The following LGR4 variants were observed in gnomAD, a reference collection of about 807,000 sequenced individuals.
The protein encoded by LGR4 is leucine rich repeat containing G protein-coupled receptor 4, also known as leucine-rich repeat-containing G protein-coupled receptor 4.
In LGR4, 44 loss-of-function variants were observed where a neutral mutation model predicts 84.8. The observed-to-expected ratio is 0.52, with a 90% CI of 0.41 to 0.67. The LOEUF (loss-of-function observed/expected upper bound fraction) is 0.67, where lower values mean the gene tolerates loss of function less well. Ranked by LOEUF, LGR4 falls within the 30% of genes least tolerant of loss-of-function variation. The probability of loss-of-function intolerance (pLI) is 0.00; values close to 1 mark genes in which losing one functional copy is unlikely to be tolerated. For missense variants in LGR4, 1,032 were observed against 1,131.4 expected (o/e 0.91, Z 1.26); for synonymous variants, 429 against 434.3 (o/e 0.99, Z 0.15).
intron 2 of LGR4, among the ~76,000 whole-genome samples, chr11:27,404,632 A>C (rs1262310948): frequency 6.6e-6 from 1 of 152,094 alleles, no homozygotes; most frequent in Non-Finnish European, 1.5e-5. Context: ...ATGAGTCCAA[A>C]ACCCAGGTTG....
intron 1 of LGR4, among the ~76,000 whole-genome samples, chr11:27,427,216 ACT>A (rs1368083606): frequency 6.6e-6 from 1 of 151,996 alleles, no homozygotes; most frequent in Non-Finnish European, 1.5e-5. Context: ...TACTTAAAAA[ACT>A]CACAGCTTTT....
chr11:27,403,273 C>A (rs948284398), intron 2 of LGR4, among the ~76,000 whole-genome samples: 1 of 152,122 alleles, frequency 6.6e-6, no homozygotes, highest in Admixed American at 6.6e-5. Context: ...GAGTTAGAGA[C>A]CAGCCAGGGC....
In LGR4 at chr11:27,368,580, A is replaced by G. The variant is rs1353585591; in HGVS notation, c.2143T>C (p.Ser715Pro). 1 of 1,613,154 alleles carries G rather than the reference A, an allele frequency of 6.2e-7. No individual in the cohort carries two copies. The highest frequency in any genetic ancestry group is 1.7e-5 in the Admixed American group (1 of 59,940). ...ACGGCCATTAATAAAAATGCTAGTGAGTTTAATAGCACTAACGTTACAGTG... is the reference window on the plus strand; with the variant it reads ...ACGGCCATTAATAAAAATGCTAGTGGGTTTAATAGCACTAACGTTACAGTG... Reference protein sequence around the residue: ...GFTVTLVLLNSLAFLLMAVIY... With the variant: ...GFTVTLVLLNPLAFLLMAVIY... The change falls in exon 18 of 18, where the codon TCA (serine) becomes CCA (proline). Residue 715 changes from serine (S) to proline (P), a missense_variant. Physicochemically the swap from Ser to Pro is moderately conservative, Grantham distance 74. Transcript: ENST00000379214.
chr11:27,447,883 G>T (rs1186420126), intron 1 of LGR4, among the ~76,000 whole-genome samples: 7 of 152,128 alleles, frequency 4.6e-5, no homozygotes, highest in Admixed American at 6.5e-5. Context: ...TACAACCAAA[G>T]TATCGCATTT....
At chr11:27,469,768 C>T (rs996394837) in intron 1 of LGR4, among the ~76,000 whole-genome samples, 2 of 152,178 alleles carry the variant, frequency 1.3e-5, no homozygotes, top group East Asian at 1.9e-4. Flanking sequence ...TTAGAGACCA[C>T]GGAACTAGTC....
chr11:27,390,537 T>G (rs1863264448), intron 4 of LGR4, among the ~76,000 whole-genome samples: 1 of 152,142 alleles, frequency 6.6e-6, no homozygotes, highest in Non-Finnish European at 1.5e-5. Flanking sequence ...AGTACCACAC[T>G]TAGAGAAACT....
At chr11:27,393,544 T>C (rs1173005160) in intron 2 of LGR4, among the ~76,000 whole-genome samples, 1 of 152,072 alleles carries the variant, frequency 6.6e-6, no homozygotes, top group Non-Finnish European at 1.5e-5. Context: ...AATTTTTTAA[T>C]TTAAAAAATA....
At chr11:27,428,454 T>G (rs1864062291) in intron 1 of LGR4, among the ~76,000 whole-genome samples, 1 of 152,150 alleles carries the variant, frequency 6.6e-6, no homozygotes, top group African/African-American at 2.4e-5. Context: ...TGCGCTCTTT[T>G]TGGAATAAAA....
chr11:27,422,278 T>C (rs1863935760), intron 1 of LGR4, among the ~76,000 whole-genome samples: 1 of 152,248 alleles, frequency 6.6e-6, no homozygotes, highest in Non-Finnish European at 1.5e-5. Flanking sequence ...AAATGGGTTA[T>C]GTTTTATTAT....
intron 2 of LGR4, among the ~76,000 whole-genome samples, chr11:27,405,740 A>G (rs1158675520): frequency 1.3e-5 from 2 of 152,048 alleles, no homozygotes; most frequent in Non-Finnish European, 2.9e-5. Context: ...TTCTATTTCC[A>G]TAACATCTTT....
chr11:27,412,150 T>A (rs1309165762), intron 2 of LGR4, among the ~76,000 whole-genome samples: 2 of 152,206 alleles, frequency 1.3e-5, no homozygotes, highest in East Asian at 3.9e-4. Context: ...TTCAAAAAAG[T>A]GTGGAGAGCA....
At chr11:27,421,877 C>G (rs1863928215) in intron 1 of LGR4, among the ~76,000 whole-genome samples, 1 of 151,964 alleles carries the variant, frequency 6.6e-6, no homozygotes, top group Non-Finnish European at 1.5e-5. Context: ...TATTAAATGG[C>G]AAAGAAAAAT....
chr11:27,417,779 T>A (rs1253638896), intron 1 of LGR4, among the ~76,000 whole-genome samples: 1 of 152,202 alleles, frequency 6.6e-6, no homozygotes, highest in East Asian at 1.9e-4. Context: ...TTTACAAATC[T>A]GAAATCGTAT....
At chr11:27,375,307 A>C (rs960327046) in intron 13 of LGR4, among the ~76,000 whole-genome samples, 3 of 151,506 alleles carry the variant, frequency 2.0e-5, no homozygotes, top group Non-Finnish European at 4.4e-5. Context: ...CAAAAAAAAA[A>C]AAAAAAGAAA....
At position 27,372,345 on chromosome 11, in the gene LGR4, G is replaced by C. The variant is rs768283736; in HGVS notation, c.1433C>G (p.Ser478Cys). 6.2e-7 allele frequency: 1 copy of C among 1,613,798 alleles called. No individual in the cohort carries two copies. Among genetic ancestry groups the C allele is most frequent in the South Asian group, 1.1e-5 (1 of 91,076 alleles). The part of the protein sequence containing the change: ...YQCCAFWGCD[S>C]YANLNTEDNS... ...ATCTTCTGTGTTTAAATTTGCATAAGAGTCACAACCCCAAAATGCACAGCA... is the reference window on the plus strand; with the variant it reads ...ATCTTCTGTGTTTAAATTTGCATAACAGTCACAACCCCAAAATGCACAGCA... The change falls in exon 16 of 18, where the codon TCT becomes TGT. Residue 478 changes from serine to cysteine, a missense_variant. Transcript: ENST00000379214.
At chr11:27,421,158 C>T (rs930161337) in intron 1 of LGR4, among the ~76,000 whole-genome samples, 15 of 152,150 alleles carry the variant, frequency 9.9e-5, no homozygotes, top group Non-Finnish European at 7.3e-5. Flanking sequence ...GAAACCCAGA[C>T]CTGCTTAATT....
chr11:27,447,203 C>T (rs917594455), intron 1 of LGR4, among the ~76,000 whole-genome samples: 9 of 151,726 alleles, frequency 5.9e-5, no homozygotes, highest in Non-Finnish European at 8.8e-5. Context: ...TAAAAAAAAG[C>T]GCTTACAAAC....
chr11:27,411,991 C>G (rs1400806225), intron 2 of LGR4, among the ~76,000 whole-genome samples: 1 of 152,062 alleles, frequency 6.6e-6, no homozygotes, highest in Non-Finnish European at 1.5e-5. Context: ...CTTCCTACCT[C>G]TATATATTAT....
chr11:27,367,982 G>C lies in LGR4; in HGVS notation c.2741C>G (p.Ser914Cys). 1.2e-6 allele frequency: 2 copies of C among 1,614,040 alleles called. No individual in the cohort carries two copies. The highest frequency in any genetic ancestry group is 1.7e-6 in the Non-Finnish European group (2 of 1,179,946). Residue 914 changes from serine to cysteine, a missense_variant, in exon 18 of 18, where the codon TCC becomes TGC. Transcript: ENST00000379214. ...AHSDYADEED[S>C]FVSDSSDQVQ... Reference sequence around the variant, plus strand: ...CTGGTCAGAACTGTCTGAGACAAAGGAATCTTCTTCATCTGCATAATCAGA... The same window carrying C: ...CTGGTCAGAACTGTCTGAGACAAAGCAATCTTCTTCATCTGCATAATCAGA...
Sources: gnomAD v4.1 joint callset for allele counts (sites outside exome capture counted in the v4.1 genomes callset) on GRCh38, gnomAD v4.1.1 for gene constraint, MANE v1.5 for transcripts, NCBI Gene and HGNC (gene_info 2026-07-23, HGNC 2026-07-21) for gene names.